Variants in MBNL3 observed in about 807,000 individuals in gnomAD.
The protein encoded by MBNL3 is muscleblind like splicing regulator 3.
Under a neutral mutation model 24.5 loss-of-function variants are expected in MBNL3, and 6 were observed. The observed-to-expected ratio is 0.25, with a 90% CI of 0.13 to 0.48. MBNL3 has a LOEUF of 0.48. MBNL3 is among the 20% of genes least tolerant of loss of function. The pLI, the probability that MBNL3 is intolerant of heterozygous loss-of-function variation, is 0.99. For synonymous variants in MBNL3, 100 were observed against 101.7 expected, an observed-to-expected ratio of 0.98 and a Z score of 0.10; for missense variants, 230 against 293.5, an observed-to-expected ratio of 0.78 and a Z score of 1.58.
intron 5 of MBNL3, among the ~76,000 whole-genome samples, chrX:132,388,430 G>A (rs1936509306): frequency 8.9e-6 from 1 of 112,256 alleles, no homozygotes; most frequent in Non-Finnish European, 1.9e-5. Context: ...TACTTATCTG[G>A]TTGTTAAAAA....
At position 132,406,391 on chromosome X, in the gene MBNL3, C is replaced by A. The variant is rs1346329626; in HGVS notation, c.179G>T (p.Gly60Val). 1 of 1,180,327 alleles carries A rather than the reference C, an allele frequency of 8.5e-7. No homozygotes were observed. Among genetic ancestry groups the A allele is most frequent in the African/African-American group, 1.8e-5 (1 of 55,722 alleles). The change falls in exon 3 of 9, where the codon GGT (glycine) becomes GTT (valine). Residue 60 changes from glycine (G) to valine (V), a missense_variant and splice_region_variant. Coordinates refer to ENST00000370853, the MANE Select transcript of MBNL3 (RefSeq NM_001386889.1). ...RVVACFDSLK[G>V]RCTRENCKYL... ...CTTGCAGTTCTCTCGGGTACACCGA[C>A]CCTGACAATGAAGAATAGGGAAAAT...
At chrX:132,386,994 C>T (rs1011633931) in intron 5 of MBNL3, among the ~76,000 whole-genome samples, 183 bp from the exon 6 acceptor site, 2 of 111,181 alleles carry the variant, frequency 1.8e-5, no homozygotes, top group Admixed American at 1.9e-4. Context: ...GGTTCACAGC[C>T]GTGTACAGTG....
At chrX:132,406,417 A>G in intron 2 of MBNL3, 25 bp from the exon 3 acceptor site, 1 of 1,152,589 alleles carries the variant, frequency 8.7e-7, no homozygotes, top group Non-Finnish European at 1.2e-6. Flanking sequence ...TAGGGAAAAT[A>G]TTAAATTAAA....
chrX:132,396,115 T>G (rs1195884092), intron 3 of MBNL3, among the ~76,000 whole-genome samples: 1 of 109,134 alleles, frequency 9.2e-6, no homozygotes, highest in Non-Finnish European at 1.9e-5. Flanking sequence ...TGCTCATTAG[T>G]AGAGCTGTAT....
At chrX:132,437,854 A>T in intron 2 of MBNL3, 1 of 488,856 alleles carries the variant, frequency 2.0e-6, no homozygotes, top group Middle Eastern at 1.3e-3. Context: ...CATAATGTCT[A>T]CCACAAATAA....
At chrX:132,461,281 A>G (rs1410427671) in intron 1 of MBNL3, among the ~76,000 whole-genome samples, 1 of 111,509 alleles carries the variant, frequency 9.0e-6, no homozygotes, top group African/African-American at 3.3e-5. Flanking sequence ...GAGCCTTCTC[A>G]CAGCTTGAGC....
intron 1 of MBNL3, among the ~76,000 whole-genome samples, chrX:132,472,692 G>T (rs765084643): frequency 8.9e-6 from 1 of 111,959 alleles, no homozygotes; most frequent in Non-Finnish European, 1.9e-5. Flanking sequence ...CCCCCCAAAA[G>T]ATAATGCAGT....
At chrX:132,466,020 A>C (rs763105273) in intron 1 of MBNL3, among the ~76,000 whole-genome samples, 2 of 112,179 alleles carry the variant, frequency 1.8e-5, no homozygotes, top group South Asian at 7.4e-4. Context: ...AAAGTCCCTA[A>C]GTTCACATAC....
intron 1 of MBNL3, among the ~76,000 whole-genome samples, chrX:132,441,667 C>CA (rs1199069429): frequency 8.9e-6 from 1 of 112,190 alleles, no homozygotes; most frequent in Non-Finnish European, 1.9e-5. Flanking sequence ...TTTGAACCCT[C>CA]ATACATCGTG....
At position 132,406,364 on chromosome X, in the gene MBNL3, T is replaced by C; in HGVS notation, c.206A>G (p.Tyr69Cys). The C allele has an allele frequency of 8.3e-7, 1 of 1,206,246 alleles. No individual in the cohort carries two copies. Among genetic ancestry groups the C allele is most frequent in the Non-Finnish European group, 1.1e-6 (1 of 891,798 alleles). Residue 69 changes from tyrosine to cysteine, a missense_variant, in exon 3 of 9, where the codon TAC becomes TGC. Tyr to Cys is a radical substitution (Grantham distance 194). Transcript: ENST00000370853. The part of the protein sequence containing the change: ...KGRCTRENCK[Y>C]LHPPPHLKTQ... ...TTTTAAGTGTGGAGGAGGGTGAAGG[T>C]ACTTGCAGTTCTCTCGGGTACACCG...
At chrX:132,398,166 G>A (rs1049562440) in intron 3 of MBNL3, among the ~76,000 whole-genome samples, 2 of 111,330 alleles carry the variant, frequency 1.8e-5, no homozygotes, top group African/African-American at 6.5e-5. Context: ...AGATCAATAG[G>A]TGATTGTGAG....
intron 2 of MBNL3, among the ~76,000 whole-genome samples, chrX:132,428,383 C>G (rs954430936): frequency 9.2e-6 from 1 of 109,186 alleles, no homozygotes; most frequent in African/African-American, 3.3e-5. Flanking sequence ...AGAAAGATGG[C>G]AAAAAATGTG....
chrX:132,473,295 T>TA (rs1219629153), intron 1 of MBNL3, among the ~76,000 whole-genome samples: 1 of 112,192 alleles, frequency 8.9e-6, no homozygotes, highest in African/African-American at 3.2e-5. Flanking sequence ...TAGGATACTA[T>TA]AAAAATCTAT....
chrX:132,468,567 C>T (rs371239167), intron 1 of MBNL3, among the ~76,000 whole-genome samples: 3 of 112,613 alleles, frequency 2.7e-5, no homozygotes, highest in East Asian at 5.6e-4. Context: ...GTGCAAGGCA[C>T]TGTTTTTAGC....
chrX:132,411,694 C>T (rs1366392983), intron 2 of MBNL3, among the ~76,000 whole-genome samples: 1 of 111,472 alleles, frequency 9.0e-6, no homozygotes, highest in Non-Finnish European at 1.9e-5. Context: ...TTTGTGCTTC[C>T]AACTGCACCT....
intron 1 of MBNL3, among the ~76,000 whole-genome samples, chrX:132,483,256 C>T (rs7889683): frequency 2.7e-5 from 3 of 111,893 alleles, no homozygotes; most frequent in East Asian, 2.8e-4. Context: ...TTTCAGAGGA[C>T]GAATACAAAC....
intron 2 of MBNL3, among the ~76,000 whole-genome samples, chrX:132,421,843 C>T (rs1438239933): frequency 1.8e-5 from 2 of 110,401 alleles, no homozygotes; most frequent in Non-Finnish European, 3.8e-5. Context: ...AAAATGATAA[C>T]AAGAAAGCAG....
At chrX:132,382,814 G>A (rs1224393992) in intron 7 of MBNL3, among the ~76,000 whole-genome samples, 1 of 112,087 alleles carries the variant, frequency 8.9e-6, no homozygotes, top group Admixed American at 9.4e-5. Context: ...CAAAGACATG[G>A]TAGGTAGACT....
At chrX:132,405,784 G>T (rs929058595) in intron 3 of MBNL3, among the ~76,000 whole-genome samples, 7 of 105,103 alleles carry the variant, frequency 6.7e-5, no homozygotes, top group African/African-American at 2.1e-4. Flanking sequence ...GGCTGAGGCA[G>T]GAGAATTGCT....
Sources: allele counts gnomAD v4.1 joint callset (sites outside exome capture counted in the v4.1 genomes callset), GRCh38; gene constraint gnomAD v4.1.1; transcripts MANE v1.5; gene names NCBI Gene and HGNC (gene_info 2026-07-23, HGNC 2026-07-21).